GPR158: variants seen among roughly 807,000 people sequenced by gnomAD.
GPR158 encodes G protein-coupled receptor 158, also known as metabotropic glycine receptor.
In GPR158, 30 loss-of-function variants were observed where a neutral mutation model predicts 78.2. The ratio of observed to expected loss-of-function variants is 0.38; its 90% CI spans 0.29 to 0.52. The LOEUF (loss-of-function observed/expected upper bound fraction) is 0.52, where lower values mean the gene tolerates loss of function less well. GPR158 is among the 20% of genes least tolerant of loss of function. GPR158 has a pLI of 0.83. For missense variants in GPR158, 1,463 were observed against 1,523.5 expected (o/e 0.96, Z 0.66); for synonymous variants, 581 against 591.1 (o/e 0.98, Z 0.25).
At chr10:25,532,187 T>A (rs1338689863) in intron 5 of GPR158, among the ~76,000 whole-genome samples, 1 of 152,236 alleles carries the variant, frequency 6.6e-6, no homozygotes, top group East Asian at 1.9e-4. Context: ...GACATGAATC[T>A]TTGGACCCTA....
intron 1 of GPR158, among the ~76,000 whole-genome samples, chr10:25,187,610 C>T (rs966760268): frequency 3.3e-5 from 5 of 152,118 alleles, no homozygotes; most frequent in African/African-American, 7.2e-5. Flanking sequence ...TCTCAATAAA[C>T]TAGGTATTGA....
intron 3 of GPR158, among the ~76,000 whole-genome samples, chr10:25,403,686 C>T (rs1304266982): frequency 1.3e-5 from 2 of 152,022 alleles, no homozygotes; most frequent in African/African-American, 4.8e-5. Flanking sequence ...CCAAAGTCAG[C>T]TGTGCTAACT....
intron 2 of GPR158, among the ~76,000 whole-genome samples, chr10:25,289,440 T>A (rs1854401743): frequency 6.6e-6 from 1 of 152,038 alleles, no homozygotes; most frequent in Non-Finnish European, 1.5e-5. Context: ...AATTTTTATT[T>A]TTATTTTTTT....
intron 5 of GPR158, among the ~76,000 whole-genome samples, chr10:25,486,130 G>A (rs552732334): frequency 1.3e-5 from 2 of 152,238 alleles, no homozygotes; most frequent in African/African-American, 4.8e-5. Context: ...CCAATTTGTG[G>A]CATTTTGTTA....
chr10:25,314,809 A>C (rs1271132835), intron 2 of GPR158, among the ~76,000 whole-genome samples: 1 of 134,284 alleles, frequency 7.4e-6, no homozygotes, highest in African/African-American at 3.5e-5. Flanking sequence ...TGCACAGTAA[A>C]GGGGAAAAAG....
Position 25,466,734 on chromosome 10 carries a change from T to G in GPR158, c.1404+15T>G. 1 of 1,523,616 alleles carries G rather than the reference T, an allele frequency of 6.6e-7. No homozygotes were observed. The highest frequency in any genetic ancestry group is 9.0e-7 in the Non-Finnish European group (1 of 1,110,792). The allele number at this position is 1,523,616 out of a possible 1,614,324, so 94.4% of individuals were successfully genotyped here. A position where few individuals can be genotyped will look rare whatever the true frequency, so the allele number is the denominator to read the frequency against. On this transcript the variant is annotated intron_variant, in intron 5 of 10. Coordinates refer to ENST00000376351, the MANE Select transcript of GPR158 (RefSeq NM_020752.3). ...TATACTTTCCAGTAAGTAACAGAAT[T>G]TTGTTTTTAAAGTAGAAATTTATTT...
chr10:25,433,690 C>CTTTTTTTTTTTTTTT (rs776105443), intron 4 of GPR158, among the ~76,000 whole-genome samples: 17 of 93,250 alleles, frequency 1.8e-4, no homozygotes, highest in Non-Finnish European at 3.0e-4. Flanking sequence ...TTCTTTCTTT[C>CTTTTTTTTTTTTTTT]TTTCTTTTTT....
chr10:25,206,114 TAGCTGGG>T (rs1853025884), intron 1 of GPR158, among the ~76,000 whole-genome samples: 1 of 151,544 alleles, frequency 6.6e-6, no homozygotes, highest in Admixed American at 6.6e-5. Flanking sequence ...GCCTCCCGAG[TAGCTGGG>T]ACTACAGGCG....
At chr10:25,567,262 C>G (rs1836942752) in intron 6 of GPR158, among the ~76,000 whole-genome samples, 1 of 152,158 alleles carries the variant, frequency 6.6e-6, no homozygotes, top group Non-Finnish European at 1.5e-5. Context: ...AAAAATCTAC[C>G]TGGCAGGCTA....
intron 7 of GPR158, among the ~76,000 whole-genome samples, chr10:25,583,005 G>T (rs1389560268): frequency 1.3e-5 from 2 of 152,200 alleles, no homozygotes. Context: ...AGCCAAGAAT[G>T]TAATTTAGGG....
chr10:25,398,686 A>G (rs1588844850), intron 3 of GPR158, among the ~76,000 whole-genome samples: 1 of 152,170 alleles, frequency 6.6e-6, no homozygotes, highest in African/African-American at 2.4e-5. Flanking sequence ...CTACACTCTA[A>G]GAAAAGGCTG....
intron 2 of GPR158, among the ~76,000 whole-genome samples, chr10:25,263,577 TA>T (rs889611107): frequency 5.9e-5 from 9 of 152,182 alleles, no homozygotes; most frequent in African/African-American, 2.2e-4. Flanking sequence ...TCTCACTATT[TA>T]AAAAAAATCT....
In GPR158 at chr10:25,484,062, G is replaced by C. The variant is rs116587349; in HGVS notation, c.1404+17343G>C. On this transcript the variant is annotated intron_variant, in intron 5 of 10. Transcript: ENST00000376351. The stretch of plus-strand genomic sequence containing the variant: ...GCTTATAGAAAAGACCGATAATAAA[G>C]AGACCGGAATTCTAACCTATAACAT... Among the ~76,000 whole-genome samples, 1,096 of 152,180 alleles carry C rather than the reference G, an allele frequency of 7.2e-3. 16 individuals carry two copies. The highest frequency in any genetic ancestry group is 0.025 in the African/African-American group (1,046 of 41,520).
intron 5 of GPR158, among the ~76,000 whole-genome samples, chr10:25,539,560 G>T (rs1235564214): frequency 2.8e-5 from 4 of 141,654 alleles, no homozygotes; most frequent in Non-Finnish European, 6.1e-5. Context: ...TGTATTCTAT[G>T]GGAATTTTGG....
At chr10:25,387,207 C>T (rs1266297007) in intron 2 of GPR158, among the ~76,000 whole-genome samples, 1 of 152,120 alleles carries the variant, frequency 6.6e-6, no homozygotes, top group Non-Finnish European at 1.5e-5. Flanking sequence ...GTGTCAGATG[C>T]TTTCTCTGCA....
intron 4 of GPR158, among the ~76,000 whole-genome samples, chr10:25,465,314 T>C (rs1428137924): frequency 6.6e-6 from 1 of 152,204 alleles, no homozygotes; most frequent in African/African-American, 2.4e-5. Flanking sequence ...ATGCCTAAAA[T>C]GACCTGTTTT....
At chr10:25,181,610 C>T (rs867424106) in intron 1 of GPR158, among the ~76,000 whole-genome samples, 2 of 152,208 alleles carry the variant, frequency 1.3e-5, no homozygotes, top group Non-Finnish European at 2.9e-5. Context: ...GGAGTTGCCT[C>T]TTTAATTTTC....
At chr10:25,560,835 GA>G in intron 6 of GPR158, among the ~76,000 whole-genome samples, 1 of 152,190 alleles carries the variant, frequency 6.6e-6, no homozygotes, top group Non-Finnish European at 1.5e-5. Flanking sequence ...ACTTTCCTTG[GA>G]AATGGAAACA....
rs1053016147 is a variant in GPR158 at position 25,601,389 on chromosome 10, C to G, written c.*2115C>G. On this transcript the variant is annotated 3_prime_UTR_variant, in exon 11 of 11. Coordinates refer to ENST00000376351, the MANE Select transcript of GPR158 (RefSeq NM_020752.3). ...AATGAAGGCCTATATGCTTGGTGAC[C>G]TCCTTTAAGGAATCTTTGTGAACTG... is the stretch of plus-strand genomic sequence containing the variant. 1 of 152,498 alleles carries G rather than the reference C, an allele frequency of 6.6e-6. No individual in the cohort carries two copies. The highest frequency in any genetic ancestry group is 2.4e-5 in the African/African-American group (1 of 41,416). 9.4% of individuals were successfully genotyped at this position (152,498 alleles called of 1,614,324 possible). A position where few individuals can be genotyped will look rare whatever the true frequency, so the allele number is the denominator to read the frequency against.
Sources: allele counts gnomAD v4.1 joint callset (sites outside exome capture counted in the v4.1 genomes callset), GRCh38; gene constraint gnomAD v4.1.1; transcripts MANE v1.5; gene names NCBI Gene and HGNC (gene_info 2026-07-23, HGNC 2026-07-21).